The following IL1RAPL1 variants were observed in gnomAD, a reference collection of about 807,000 sequenced individuals.
IL1RAPL1 encodes interleukin 1 receptor accessory protein like 1, also known as interleukin-1 receptor accessory protein-like 1.
A neutral mutation model predicts 48.4 loss-of-function variants in IL1RAPL1; 3 were observed. The observed-to-expected ratio is 0.06, with a 90% CI of 0.03 to 0.16. IL1RAPL1 has a LOEUF of 0.16. Among genes scored for constraint, IL1RAPL1 ranks in the 10% least tolerant of loss-of-function variants. The pLI, the probability that IL1RAPL1 is intolerant of heterozygous loss-of-function variation, is 1.00. For missense variants in IL1RAPL1, 349 were observed against 530.6 expected, an observed-to-expected ratio of 0.66 and a Z score of 3.36; for synonymous variants, 185 against 187.7, an observed-to-expected ratio of 0.99 and a Z score of 0.12.
At chrX:29,376,451 G>C (rs1933624565) in intron 3 of IL1RAPL1, among the ~76,000 whole-genome samples, 1 of 109,390 alleles carries the variant, frequency 9.1e-6, no homozygotes, top group Admixed American at 9.9e-5. Flanking sequence ...GGTCACTGCA[G>C]CCTCAATCTC....
chrX:29,652,687 A>C (rs1410166680), intron 5 of IL1RAPL1, among the ~76,000 whole-genome samples: 1 of 111,643 alleles, frequency 9.0e-6, no homozygotes, highest in Non-Finnish European at 1.9e-5. Context: ...AATGCAAAAA[A>C]TGTGAGCAAG....
intron 5 of IL1RAPL1, among the ~76,000 whole-genome samples, chrX:29,471,358 G>A (rs2147739891): frequency 9.0e-6 from 1 of 111,639 alleles, no homozygotes; most frequent in Non-Finnish European, 1.9e-5. Flanking sequence ...TCTCAGGGTA[G>A]GCAGAGGGTT....
At chrX:28,708,451 A>G (rs1935400930) in intron 1 of IL1RAPL1, among the ~76,000 whole-genome samples, 1 of 111,427 alleles carries the variant, frequency 9.0e-6, no homozygotes. Flanking sequence ...TTACCATTTG[A>G]TCCAGCTGCT....
Position 29,664,399 on chromosome X carries a change from G to A in IL1RAPL1, c.704-4031G>A, listed in dbSNP as rs376267152. Among the ~76,000 whole-genome samples, 631 of 74,512 alleles carry A rather than the reference G, an allele frequency of 8.5e-3. 6 individuals carry two copies. The highest frequency in any genetic ancestry group is 0.035 in the African/African-American group (586 of 16,709). 64.7% of individuals were successfully genotyped at this position (74,512 alleles called of 115,157 possible). The stretch of plus-strand genomic sequence containing the variant: ...GGCCTGGGCAACAGAGCGAGACTCC[G>A]TCTCAAAAAAAAAAAAAAAAAAAAG... On this transcript the variant is annotated intron_variant, in intron 5 of 10. Transcript: ENST00000378993.
intron 2 of IL1RAPL1, among the ~76,000 whole-genome samples, chrX:28,830,947 T>A (rs1336037902): frequency 9.6e-6 from 1 of 104,342 alleles, no homozygotes; most frequent in Non-Finnish European, 2.0e-5. Context: ...TGAGAATTTT[T>A]AAAAATGCCT....
intron 6 of IL1RAPL1, among the ~76,000 whole-genome samples, chrX:29,821,821 T>G (rs1179387012): frequency 1.8e-5 from 2 of 112,551 alleles, no homozygotes; most frequent in Non-Finnish European, 3.7e-5. Context: ...ATCATTTTAT[T>G]CTTAGTGCTT....
At chrX:29,733,734 A>G (rs921683604) in intron 6 of IL1RAPL1, among the ~76,000 whole-genome samples, 3 of 112,418 alleles carry the variant, frequency 2.7e-5, no homozygotes, top group Non-Finnish European at 5.6e-5. Flanking sequence ...AAGTCTGACA[A>G]TCCTTTCTCA....
At chrX:29,693,909 A>G (rs1325381123) in intron 6 of IL1RAPL1, among the ~76,000 whole-genome samples, 3 of 110,536 alleles carry the variant, frequency 2.7e-5, no homozygotes, top group Non-Finnish European at 5.7e-5. Context: ...TAGCATTTTC[A>G]TATCTTTTTA....
intron 1 of IL1RAPL1, among the ~76,000 whole-genome samples, chrX:28,671,215 T>A (rs1408081383): frequency 1.8e-5 from 2 of 112,419 alleles, no homozygotes; most frequent in Non-Finnish European, 3.8e-5. Flanking sequence ...ATCCTAGTTG[T>A]ACTTTTGTAT....
At chrX:29,252,453 A>T (rs1931668797) in intron 2 of IL1RAPL1, among the ~76,000 whole-genome samples, 1 of 113,997 alleles carries the variant, frequency 8.8e-6, no homozygotes, top group South Asian at 3.4e-4. Context: ...CATTTTTTTA[A>T]AGCAAGCAAG....
At chrX:29,631,018 T>C (rs938030048) in intron 5 of IL1RAPL1, among the ~76,000 whole-genome samples, 1 of 111,990 alleles carries the variant, frequency 8.9e-6, no homozygotes, top group Non-Finnish European at 1.9e-5. Flanking sequence ...TTTCAATATA[T>C]TGAACATTTA....
At chrX:29,032,321 G>GA (rs1327753483) in intron 2 of IL1RAPL1, among the ~76,000 whole-genome samples, 1 of 112,176 alleles carries the variant, frequency 8.9e-6, no homozygotes, top group Non-Finnish European at 1.9e-5. Context: ...TCTTGCATCA[G>GA]AATCACCTGG....
chrX:29,655,361 A>G (rs754206412), intron 5 of IL1RAPL1, among the ~76,000 whole-genome samples: 2 of 112,015 alleles, frequency 1.8e-5, no homozygotes, highest in Non-Finnish European at 3.8e-5. Flanking sequence ...GAAAACACAA[A>G]TGTGAAAAAG....
chrX:28,776,075 A>G (rs1936360128), intron 1 of IL1RAPL1, among the ~76,000 whole-genome samples: 1 of 111,953 alleles, frequency 8.9e-6, no homozygotes, highest in African/African-American at 3.2e-5. Context: ...TATGTCTCTA[A>G]TACCCTAATA....
At chrX:29,863,478 C>G (rs1418292570) in intron 6 of IL1RAPL1, among the ~76,000 whole-genome samples, 1 of 111,450 alleles carries the variant, frequency 9.0e-6, no homozygotes, top group Admixed American at 9.5e-5. Context: ...CAAAATCAGA[C>G]TGTTTAAATA....
intron 5 of IL1RAPL1, among the ~76,000 whole-genome samples, chrX:29,606,021 C>A (rs759614645): frequency 8.9e-6 from 1 of 111,973 alleles, no homozygotes; most frequent in East Asian, 2.8e-4. Context: ...AGCTCTATAA[C>A]CTAAATCTAT....
intron 3 of IL1RAPL1, among the ~76,000 whole-genome samples, chrX:29,302,324 G>A (rs1245642134): frequency 1.8e-5 from 2 of 112,019 alleles, no homozygotes; most frequent in Admixed American, 9.5e-5. Flanking sequence ...TGATATGACA[G>A]AGGTTACAAC....
At chrX:28,728,410 A>G (rs922938871) in intron 1 of IL1RAPL1, among the ~76,000 whole-genome samples, 14 of 111,996 alleles carry the variant, frequency 1.3e-4, no homozygotes, top group South Asian at 3.7e-4. Flanking sequence ...TTCTCTGCAG[A>G]TAACCGCTAC....
At chrX:29,218,129 A>T (rs910075442) in intron 2 of IL1RAPL1, among the ~76,000 whole-genome samples, 5 of 111,782 alleles carry the variant, frequency 4.5e-5, no homozygotes, top group African/African-American at 1.6e-4. Flanking sequence ...TAAATATATA[A>T]TTTACTTCAT....
Sources: gnomAD v4.1 joint callset for allele counts (sites outside exome capture counted in the v4.1 genomes callset) on GRCh38, gnomAD v4.1.1 for gene constraint, MANE v1.5 for transcripts, NCBI Gene and HGNC (gene_info 2026-07-23, HGNC 2026-07-21) for gene names.